Variants in NLGN4X observed in about 807,000 individuals in gnomAD.
The protein encoded by NLGN4X is neuroligin 4 X-linked.
A neutral mutation model predicts 40.3 loss-of-function variants in NLGN4X; 3 were observed. That is an observed-to-expected ratio of 0.07 (90% CI 0.03 to 0.19). The LOEUF is 0.19. Among genes scored for constraint, NLGN4X ranks in the 10% least tolerant of loss-of-function variants. The pLI, the probability that NLGN4X is intolerant of heterozygous loss-of-function variation, is 1.00. For synonymous variants in NLGN4X, 270 were observed against 306.8 expected (o/e 0.88, Z 1.25); for missense variants, 382 against 708.3 (o/e 0.54, Z 5.23).
chrX:6,062,255 C>T (rs912940803), intron 2 of NLGN4X, among the ~76,000 whole-genome samples: 2 of 111,396 alleles, frequency 1.8e-5, no homozygotes, highest in African/African-American at 3.3e-5. Context: ...ACTCCACATC[C>T]ATATAACTAG....
intron 3 of NLGN4X, among the ~76,000 whole-genome samples, chrX:6,015,391 A>ACT (rs1275437554): frequency 6.5e-5 from 7 of 106,984 alleles, no homozygotes; most frequent in Admixed American, 1.0e-4. Flanking sequence ...ACTCTATCTC[A>ACT]CTCTCTCTCT....
intron 1 of NLGN4X, among the ~76,000 whole-genome samples, chrX:6,171,324 A>C (rs2040602153): frequency 8.9e-6 from 1 of 112,048 alleles, no homozygotes; most frequent in African/African-American, 3.2e-5. Flanking sequence ...GCCCATCTCA[A>C]GTACTATTTC....
At chrX:6,071,895 G>A (rs1430262640) in intron 2 of NLGN4X, among the ~76,000 whole-genome samples, 2 of 110,983 alleles carry the variant, frequency 1.8e-5, no homozygotes, top group African/African-American at 6.6e-5. Context: ...TCCTTCCACC[G>A]TAAATTCAGT....
chrX:5,891,064 C>T lies in NLGN4X; in HGVS notation c.*1753G>A. On this transcript the variant is annotated 3_prime_UTR_variant, in exon 6 of 6. Coordinates refer to ENST00000381095, the MANE Select transcript of NLGN4X (RefSeq NM_181332.3). ...CTTTGGCTACTGTTTCTTGGTAATG[C>T]AATAATTTTTCAAAAAAGTATCCAT... 3.4e-6 allele frequency: 1 copy of T among 295,314 alleles called. No homozygotes were observed. 24.3% of individuals were successfully genotyped at this position (295,314 alleles called of 1,213,427 possible).
chrX:5,981,002 T>C (rs983865028), intron 3 of NLGN4X, among the ~76,000 whole-genome samples: 1 of 111,670 alleles, frequency 9.0e-6, no homozygotes, highest in African/African-American at 3.3e-5. Context: ...AAAATAAATA[T>C]CTTAACAATA....
intron 3 of NLGN4X, among the ~76,000 whole-genome samples, chrX:5,990,490 T>C (rs905734831): frequency 7.2e-5 from 8 of 111,768 alleles, no homozygotes; most frequent in African/African-American, 2.0e-4. Context: ...CGAATGCTGG[T>C]AGTTTATACT....
chrX:6,096,946 C>T (rs1357678678), intron 2 of NLGN4X, among the ~76,000 whole-genome samples: 1 of 100,562 alleles, frequency 9.9e-6, no homozygotes, highest in Non-Finnish European at 2.0e-5. Context: ...ATTTTCATAT[C>T]GTGTGTGTGT....
At chrX:6,002,878 G>T (rs966764011) in intron 3 of NLGN4X, among the ~76,000 whole-genome samples, 5 of 111,946 alleles carry the variant, frequency 4.5e-5, no homozygotes, top group Non-Finnish European at 9.4e-5. Flanking sequence ...ACTTCAGAGG[G>T]ACAGCTTGAT....
intron 3 of NLGN4X, among the ~76,000 whole-genome samples, chrX:5,966,275 C>T (rs1298748974): frequency 1.8e-5 from 2 of 112,460 alleles, no homozygotes; most frequent in African/African-American, 6.4e-5. Flanking sequence ...TGGCAAAGTA[C>T]AGTAACAGAC....
intron 3 of NLGN4X, among the ~76,000 whole-genome samples, chrX:6,024,579 A>G (rs2036637672): frequency 9.2e-6 from 1 of 109,174 alleles, no homozygotes; most frequent in African/African-American, 3.3e-5. Context: ...AGGATGCAGT[A>G]AAAAAAAACA....
At chrX:5,945,743 A>T (rs1440487034) in intron 3 of NLGN4X, among the ~76,000 whole-genome samples, 1 of 110,793 alleles carries the variant, frequency 9.0e-6, no homozygotes, top group Non-Finnish European at 1.9e-5. Flanking sequence ...GCACACATAG[A>T]GGGGAACAAC....
At chrX:5,936,116 T>C (rs2033722274) in intron 3 of NLGN4X, among the ~76,000 whole-genome samples, 1 of 111,486 alleles carries the variant, frequency 9.0e-6, no homozygotes, top group Non-Finnish European at 1.9e-5. Flanking sequence ...CATTATCTGA[T>C]AAGAAAAAAC....
chrX:6,116,012 G>A (rs973718265), intron 2 of NLGN4X, among the ~76,000 whole-genome samples: 17 of 110,187 alleles, frequency 1.5e-4, no homozygotes, highest in Non-Finnish European at 3.0e-4. Context: ...AACTGAATGA[G>A]GCTGGGCGCG....
intron 1 of NLGN4X, among the ~76,000 whole-genome samples, chrX:6,214,165 C>G (rs1045576846): frequency 2.7e-5 from 3 of 111,927 alleles, no homozygotes; most frequent in African/African-American, 9.8e-5. Flanking sequence ...ATATGAATGT[C>G]AGGAGTGGAG....
At chrX:5,897,352 C>T (rs1160822635) in intron 5 of NLGN4X, among the ~76,000 whole-genome samples, 3 of 111,795 alleles carry the variant, frequency 2.7e-5, no homozygotes, top group African/African-American at 6.5e-5. Context: ...TCAGCTTGGA[C>T]GAACCCTTTT....
intron 2 of NLGN4X, among the ~76,000 whole-genome samples, chrX:6,142,533 T>C (rs1416545548): frequency 8.9e-6 from 1 of 112,581 alleles, no homozygotes; most frequent in Admixed American, 9.4e-5. Context: ...ACTGGAGTAA[T>C]TTAATTATTT....
intron 3 of NLGN4X, among the ~76,000 whole-genome samples, chrX:5,934,530 A>C (rs1021456435): frequency 1.8e-5 from 2 of 111,569 alleles, no homozygotes; most frequent in African/African-American, 6.5e-5. Context: ...ATTAGATTTT[A>C]AAAATCTATA....
chrX:6,039,934 C>T (rs2037113673), intron 2 of NLGN4X, among the ~76,000 whole-genome samples: 2 of 111,476 alleles, frequency 1.8e-5, no homozygotes, highest in African/African-American at 6.5e-5. Flanking sequence ...GTTGAATATG[C>T]ATTTTGTTTG....
chrX:5,955,480 A>T (rs1210345710), intron 3 of NLGN4X, among the ~76,000 whole-genome samples: 1 of 111,305 alleles, frequency 9.0e-6, no homozygotes, highest in African/African-American at 3.3e-5. Flanking sequence ...CCACTCTCAC[A>T]GGGAAGAAAA....
Sources: gnomAD v4.1 joint callset for allele counts (sites outside exome capture counted in the v4.1 genomes callset) on GRCh38, gnomAD v4.1.1 for gene constraint, MANE v1.5 for transcripts, NCBI Gene and HGNC (gene_info 2026-07-23, HGNC 2026-07-21) for gene names.